CAMKMT: variants seen among roughly 807,000 people sequenced by gnomAD.
CAMKMT encodes CaM KMT.
Under a neutral mutation model 48.0 loss-of-function variants are expected in CAMKMT, and 53 were observed. The observed-to-expected ratio is 1.10, with a 90% CI of 0.89 to 1.39. CAMKMT has a LOEUF of 1.39. Among genes scored for constraint, CAMKMT ranks in the 40% most tolerant of loss-of-function variants. CAMKMT has a pLI of 0.00. For synonymous variants in CAMKMT, 165 were observed against 152.3 expected (o/e 1.08, Z -0.61); for missense variants, 428 against 402.7 (o/e 1.06, Z -0.54).
chr2:44,540,271 T>G (rs1177905781), intron 3 of CAMKMT, among the ~76,000 whole-genome samples: 1 of 152,096 alleles, frequency 6.6e-6, no homozygotes, highest in Non-Finnish European at 1.5e-5. Flanking sequence ...TGTCCCAGAT[T>G]TTGTCTGTGA....
chr2:44,403,637 G>A (rs892157307), intron 3 of CAMKMT, among the ~76,000 whole-genome samples: 1 of 152,096 alleles, frequency 6.6e-6, no homozygotes, highest in African/African-American at 2.4e-5. Flanking sequence ...TAGGTGGGGT[G>A]TCAGGAAGAG....
intron 3 of CAMKMT, among the ~76,000 whole-genome samples, chr2:44,470,718 A>C (rs59266656): frequency 0.05 from 7,679 of 152,224 alleles, 566 homozygotes; most frequent in East Asian, 0.38. Context: ...TCCTTCTCCA[A>C]CAACCTTGCG....
intron 9 of CAMKMT, among the ~76,000 whole-genome samples, chr2:44,760,265 G>C (rs1321590554): frequency 6.6e-6 from 1 of 152,110 alleles, no homozygotes; most frequent in Non-Finnish European, 1.5e-5. Context: ...GGCACTTTGA[G>C]TGTGTGGAGT....
chr2:44,677,125 A>G (rs1252287327), intron 3 of CAMKMT, among the ~76,000 whole-genome samples: 1 of 152,218 alleles, frequency 6.6e-6, no homozygotes, highest in Non-Finnish European at 1.5e-5. Context: ...TTTATAAACA[A>G]TTGTGACCTA....
intron 3 of CAMKMT, among the ~76,000 whole-genome samples, chr2:44,619,220 T>C (rs1410915807): frequency 1.3e-5 from 2 of 152,206 alleles, no homozygotes; most frequent in Non-Finnish European, 2.9e-5. Context: ...GAAAACACCA[T>C]TACTCAAGTC....
intron 3 of CAMKMT, among the ~76,000 whole-genome samples, chr2:44,526,177 C>A (rs961190574): frequency 6.6e-6 from 1 of 152,128 alleles, no homozygotes. Context: ...AAGCAATATG[C>A]CTCTTTCCCA....
intron 3 of CAMKMT, among the ~76,000 whole-genome samples, chr2:44,628,343 T>C (rs1182476853): frequency 6.6e-6 from 1 of 152,164 alleles, no homozygotes; most frequent in African/African-American, 2.4e-5. Flanking sequence ...AACTGGCTTT[T>C]TGTTTCATTG....
At chr2:44,429,367 T>C (rs1259868965) in intron 3 of CAMKMT, among the ~76,000 whole-genome samples, 2 of 151,996 alleles carry the variant, frequency 1.3e-5, no homozygotes, top group African/African-American at 2.4e-5. Flanking sequence ...GGATAATACA[T>C]ATTATATTCC....
At chr2:44,616,282 G>T (rs1301076281) in intron 3 of CAMKMT, among the ~76,000 whole-genome samples, 2 of 152,094 alleles carry the variant, frequency 1.3e-5, no homozygotes, top group East Asian at 3.8e-4. Flanking sequence ...ATTCCCTGTT[G>T]CAATGTATTT....
rs80337480 is a variant in CAMKMT, at chr2:44,470,307, A to G, written c.376+80002A>G. ...TGGGTCATTTCTTTGCTTTAATTCTATTGCCCCATCCTGCCCAATTTGCAT... is the reference window on the plus strand; with the variant it reads ...TGGGTCATTTCTTTGCTTTAATTCTGTTGCCCCATCCTGCCCAATTTGCAT... On this transcript the variant is annotated intron_variant, in intron 3 of 10. Coordinates refer to ENST00000378494, the MANE Select transcript of CAMKMT (RefSeq NM_024766.5). 1.6e-4 allele frequency among the ~76,000 whole-genome samples: 25 copies of G among 151,912 alleles called. No homozygotes were observed. The East Asian group carries it at 4.6e-3, about 28-fold the overall frequency.
Position 44,689,180 on chromosome 2 carries a change from A to G in CAMKMT, c.377-15103A>G, listed in dbSNP as rs142970281. Among the ~76,000 whole-genome samples the G allele has an allele frequency of 6.4e-3, 982 of 152,274 alleles. 8 individuals carry two copies. Among genetic ancestry groups the G allele is most frequent in the African/African-American group, 0.022 (905 of 41,556 alleles). ...ACACCTAAGACAGGGAACAATAACA[A>G]TTATTCCTAATACTTTATTTCCTCC... On this transcript the variant is annotated intron_variant, in intron 3 of 10. Coordinates refer to ENST00000378494, the MANE Select transcript of CAMKMT (RefSeq NM_024766.5).
intron 3 of CAMKMT, among the ~76,000 whole-genome samples, chr2:44,453,478 C>G (rs1400145484): frequency 6.6e-6 from 1 of 152,030 alleles, no homozygotes; most frequent in East Asian, 1.9e-4. Context: ...AGGTTCAGTG[C>G]TGTAGTGCTT....
At chr2:44,475,646 G>T (rs6728449) in intron 3 of CAMKMT, among the ~76,000 whole-genome samples, 1 of 151,944 alleles carries the variant, frequency 6.6e-6, no homozygotes, top group Non-Finnish European at 1.5e-5. Context: ...GGAATAACTG[G>T]TGTGGCAAGT....
intron 2 of CAMKMT, among the ~76,000 whole-genome samples, chr2:44,386,253 G>C (rs1021920966): frequency 2.6e-5 from 4 of 151,988 alleles, no homozygotes; most frequent in Admixed American, 2.6e-4. Flanking sequence ...AAGCTAGGAG[G>C]GTTATATTTT....
intron 3 of CAMKMT, among the ~76,000 whole-genome samples, chr2:44,419,590 T>C (rs1452916495): frequency 6.6e-6 from 1 of 152,216 alleles, no homozygotes; most frequent in Non-Finnish European, 1.5e-5. Context: ...TAACCCAATG[T>C]TGTTGTTAAA....
At chr2:44,560,804 A>G (rs1412141332) in intron 3 of CAMKMT, among the ~76,000 whole-genome samples, 1 of 152,142 alleles carries the variant, frequency 6.6e-6, no homozygotes, top group Non-Finnish European at 1.5e-5. Context: ...AGTTACTAAT[A>G]TTGATTTTGC....
At chr2:44,610,489 A>C (rs567609551) in intron 3 of CAMKMT, among the ~76,000 whole-genome samples, 2 of 152,200 alleles carry the variant, frequency 1.3e-5, no homozygotes, top group Admixed American at 1.3e-4. Context: ...AGTTTCCTCC[A>C]TATTTGTGAT....
chr2:44,432,090 G>A (rs546671061), intron 3 of CAMKMT, among the ~76,000 whole-genome samples: 2 of 152,170 alleles, frequency 1.3e-5, no homozygotes, highest in East Asian at 3.9e-4. Context: ...TGGTTTAGTC[G>A]CATCTTAAAA....
intron 3 of CAMKMT, among the ~76,000 whole-genome samples, chr2:44,481,424 T>G (rs181130934): frequency 7.7e-4 from 117 of 152,196 alleles, no homozygotes; most frequent in African/African-American, 2.7e-3. Context: ...GCTCTTCAGG[T>G]CATCTGTGAA....
Sources: gnomAD v4.1 joint callset for allele counts (sites outside exome capture counted in the v4.1 genomes callset) on GRCh38, gnomAD v4.1.1 for gene constraint, MANE v1.5 for transcripts, NCBI Gene and HGNC (gene_info 2026-07-23, HGNC 2026-07-21) for gene names.